Variants in PSMA8 observed in about 807,000 individuals in gnomAD.
PSMA8 encodes proteasome 20S subunit alpha 8.
Under a neutral mutation model 32.4 loss-of-function variants are expected in PSMA8, and 18 were observed. The observed-to-expected ratio is 0.56, with a 90% CI of 0.38 to 0.82. The LOEUF is 0.82. Ranked by LOEUF, PSMA8 falls within the 40% of genes least tolerant of loss-of-function variation. The pLI, the probability that PSMA8 is intolerant of heterozygous loss-of-function variation, is 0.00. For missense variants in PSMA8, 298 were observed against 300.7 expected (o/e 0.99, Z 0.07); for synonymous variants, 104 against 98.1 (o/e 1.06, Z -0.36).
rs564956807 is a variant in PSMA8, at chr18:26,144,600, A to G, written c.144A>G (p.Glu48=). 1.2e-6 allele frequency: 2 copies of G among 1,613,826 alleles called. No individual in the cohort carries two copies. Among genetic ancestry groups the G allele is most frequent in the Non-Finnish European group, 1.7e-6 (2 of 1,179,792 alleles). Residue 48 remains glutamate, a synonymous_variant, in exon 2 of 7, where the codon GAA becomes GAG. Coordinates refer to ENST00000415576, the MANE Select transcript of PSMA8 (RefSeq NM_001025096.2). ...CCAATATAGTTGTTCTTGGGGTAGA[A>G]AAAAAATCTGTTGCCAAGCTTCAAG... The part of the protein sequence containing the change: ...RGTNIVVLGV[E]KKSVAKLQDE...
chr18:26,182,584 A>G (rs1045425119), intron 6 of PSMA8, among the ~76,000 whole-genome samples: 1 of 152,244 alleles, frequency 6.6e-6, no homozygotes, highest in South Asian at 2.1e-4. Context: ...ATGGACATGT[A>G]CAAGGAAATT....
chr18:26,186,853 T>C (rs1246762161), intron 6 of PSMA8, among the ~76,000 whole-genome samples: 2 of 152,150 alleles, frequency 1.3e-5, no homozygotes, highest in Admixed American at 6.6e-5. Flanking sequence ...CTGCAAGAAC[T>C]AAAAGAAAAT....
At chr18:26,176,063 G>T (rs774989258) in intron 4 of PSMA8, among the ~76,000 whole-genome samples, 1 of 152,140 alleles carries the variant, frequency 6.6e-6, no homozygotes, top group Non-Finnish European at 1.5e-5. Context: ...AATCTGAGGA[G>T]GCAGGTAGGA....
At chr18:26,158,836 G>A (rs866016926) in intron 4 of PSMA8, among the ~76,000 whole-genome samples, 3 of 152,114 alleles carry the variant, frequency 2.0e-5, no homozygotes, top group Non-Finnish European at 4.4e-5. Flanking sequence ...AGCCAGGCAC[G>A]GTAGTACACA....
chr18:26,177,901 T>C (rs775520298), intron 4 of PSMA8, among the ~76,000 whole-genome samples: 2 of 152,182 alleles, frequency 1.3e-5, no homozygotes, highest in Non-Finnish European at 2.9e-5. Context: ...TCCACATCTT[T>C]TCAAGTTTCA....
chr18:26,156,036 C>T (rs968952442), intron 3 of PSMA8, among the ~76,000 whole-genome samples: 2 of 152,044 alleles, frequency 1.3e-5, no homozygotes, highest in African/African-American at 4.8e-5. Context: ...TACAAATGGC[C>T]AACATGTATA....
intron 1 of PSMA8, among the ~76,000 whole-genome samples, chr18:26,134,823 G>A (rs189963123): frequency 2.6e-5 from 4 of 151,874 alleles, no homozygotes; most frequent in African/African-American, 9.6e-5. Flanking sequence ...GCGTGGTGGC[G>A]CATGCCTGTA....
chr18:26,145,810 C>T (rs1453862765), intron 2 of PSMA8, among the ~76,000 whole-genome samples: 1 of 152,018 alleles, frequency 6.6e-6, no homozygotes, highest in African/African-American at 2.4e-5. Context: ...TAAATAATGC[C>T]TCTATGAATA....
chr18:26,180,847 C>A (rs1277077848), intron 6 of PSMA8, among the ~76,000 whole-genome samples: 1 of 152,146 alleles, frequency 6.6e-6, no homozygotes, highest in African/African-American at 2.4e-5. Flanking sequence ...AGAACACATG[C>A]TTTGGAGTTG....
intron 1 of PSMA8, among the ~76,000 whole-genome samples, chr18:26,137,305 A>G (rs1598639174): frequency 6.6e-6 from 1 of 152,136 alleles, no homozygotes; most frequent in African/African-American, 2.4e-5. Flanking sequence ...TAAAAATACA[A>G]AAAATTAGCT....
chr18:26,175,470 G>A (rs1401558758), intron 4 of PSMA8, among the ~76,000 whole-genome samples: 1 of 152,132 alleles, frequency 6.6e-6, no homozygotes, highest in African/African-American at 2.4e-5. Flanking sequence ...TGGGGTGAAG[G>A]GACTGCACAT....
At chr18:26,158,325 A>G in intron 4 of PSMA8, 81 bp downstream of exon 4, 1 of 1,140,742 alleles carries the variant, frequency 8.8e-7, no homozygotes, top group South Asian at 1.5e-5. Context: ...GAGAGACATG[A>G]AAAATTATGT....
At chr18:26,172,144 T>C (rs2055227279) in intron 4 of PSMA8, among the ~76,000 whole-genome samples, 1 of 152,214 alleles carries the variant, frequency 6.6e-6, no homozygotes, top group Non-Finnish European at 1.5e-5. Context: ...AACAGAGCCT[T>C]GTCTGACAGC....
chr18:26,169,497 A>C (rs911046442), intron 4 of PSMA8, among the ~76,000 whole-genome samples: 1 of 130,668 alleles, frequency 7.7e-6, no homozygotes, highest in Non-Finnish European at 1.5e-5. Context: ...TAAATTGTAA[A>C]ATACTTCAAA....
intron 3 of PSMA8, among the ~76,000 whole-genome samples, chr18:26,154,435 C>T (rs2055070678): frequency 6.6e-6 from 1 of 152,018 alleles, no homozygotes; most frequent in Non-Finnish European, 1.5e-5. Context: ...ACATTGTATA[C>T]ACAAAATTCC....
intron 4 of PSMA8, among the ~76,000 whole-genome samples, chr18:26,171,469 C>T (rs1192730014): frequency 6.6e-6 from 1 of 152,188 alleles, no homozygotes; most frequent in Admixed American, 6.5e-5. Context: ...TGCAGTGGCT[C>T]ACGCCTGTAA....
rs1370725555 is a variant in PSMA8, at chr18:26,183,438, A to T, written c.660+4308A>T. Among the ~76,000 whole-genome samples, 5 of 150,586 alleles carry T rather than the reference A, an allele frequency of 3.3e-5. 1 individual carries two copies. The highest frequency in any genetic ancestry group is 1.2e-4 in the African/African-American group (5 of 40,776). ...AAACAAAAATATCAACATTAACAGGAGTTTAGAATAAGTTGATTCCAACCC... is the reference window on the plus strand; with the variant it reads ...AAACAAAAATATCAACATTAACAGGTGTTTAGAATAAGTTGATTCCAACCC... On this transcript the variant is annotated intron_variant, in intron 6 of 6. Coordinates refer to ENST00000415576, the MANE Select transcript of PSMA8 (RefSeq NM_001025096.2).
chr18:26,148,175 A>C (rs946973952), intron 2 of PSMA8, among the ~76,000 whole-genome samples: 1 of 152,168 alleles, frequency 6.6e-6, no homozygotes, highest in Admixed American at 6.5e-5. Flanking sequence ...TTAATCTATA[A>C]GACCAATATT....
intron 1 of PSMA8, among the ~76,000 whole-genome samples, chr18:26,137,184 G>A (rs549631408): frequency 8.5e-5 from 13 of 152,308 alleles, no homozygotes; most frequent in African/African-American, 1.9e-4. Flanking sequence ...GTGGCTGGGC[G>A]TGGTGGCTGA....
Sources: allele counts gnomAD v4.1 joint callset (sites outside exome capture counted in the v4.1 genomes callset), GRCh38; gene constraint gnomAD v4.1.1; transcripts MANE v1.5; gene names NCBI Gene and HGNC (gene_info 2026-07-23, HGNC 2026-07-21).